The following GREB1 variants were observed in gnomAD, a reference collection of about 807,000 sequenced individuals.
GREB1 encodes protein GREB1.
A neutral mutation model predicts 200.7 loss-of-function variants in GREB1; 106 were observed. That is an observed-to-expected ratio of 0.53 (90% CI 0.45 to 0.62). The LOEUF (loss-of-function observed/expected upper bound fraction) is 0.62, where lower values mean the gene tolerates loss of function less well. Among genes scored for constraint, GREB1 ranks in the 20% least tolerant of loss-of-function variants. GREB1 has a pLI of 0.00. For missense variants in GREB1, 2,243 were observed against 2,556.8 expected (o/e 0.88, Z 2.65); for synonymous variants, 1,132 against 1,092.4 (o/e 1.04, Z -0.72).
At chr2:11,630,808 G>A (rs1684817563) in intron 26 of GREB1, among the ~76,000 whole-genome samples, 1 of 152,156 alleles carries the variant, frequency 6.6e-6, no homozygotes, top group Non-Finnish European at 1.5e-5. Context: ...GATGCTCCTT[G>A]TAGAGCTTTT....
chr2:11,483,685 GGGGTGTGT>G (rs1263397277), intron 1 of GREB1, among the ~76,000 whole-genome samples: 10 of 102,146 alleles, frequency 9.8e-5, no homozygotes, highest in African/African-American at 4.0e-4. Context: ...AGTACAAGAA[GGGGTGTGT>G]GTGTGTGTGT....
Position 11,616,655 on chromosome 2 carries a change from C to G in GREB1, c.3347C>G (p.Pro1116Arg). Residue 1116 changes from proline to arginine, a missense_variant, in exon 21 of 33, where the codon CCC becomes CGC. Physicochemically the swap from Pro to Arg is moderately radical, Grantham distance 103 (BLOSUM62 -2). This residue lies in a region of GREB1 where 587 missense variants were observed against 553.1 expected (regional missense o/e 1.06). Coordinates refer to ENST00000381486, the MANE Select transcript of GREB1 (RefSeq NM_014668.4). Reference sequence around the variant, plus strand: ...GGCTCTACCTCGGAGAAGAGAAGCCCCATGAAAAGGGAGAGGTCCCGCTCC... The same window carrying G: ...GGCTCTACCTCGGAGAAGAGAAGCCGCATGAAAAGGGAGAGGTCCCGCTCC... ...TEGSTSEKRS[P>R]MKRERSRSHD... The G allele has an allele frequency of 6.8e-6, 11 of 1,611,850 alleles. No individual in the cohort carries two copies. The highest frequency in any genetic ancestry group is 1.1e-5 in the South Asian group (1 of 91,040).
At chr2:11,509,129 C>A (rs1163930942) in intron 1 of GREB1, among the ~76,000 whole-genome samples, 3 of 1,768 alleles carry the variant, frequency 1.7e-3, no homozygotes, top group African/African-American at 2.0e-3. Flanking sequence ...CCTGCCTTGG[C>A]CTCCAAAGTG....
Position 11,611,008 on chromosome 2 carries a change from A to C in GREB1, c.2987A>C (p.His996Pro). The change falls in exon 18 of 33, where the codon CAC becomes CCC. Residue 996 changes from histidine to proline, a missense_variant. His to Pro is a moderately conservative substitution (Grantham distance 77, BLOSUM62 -2). Transcript: ENST00000381486. The stretch of plus-strand genomic sequence containing the variant: ...AGCTCAGGCGTCACCGTGGGGAAGC[A>C]CTTCGTAAAGCAGCTCAGGGTAGGT... ...SPSSGVTVGK[H>P]FVKQLRMWQK... The C allele has an allele frequency of 6.3e-7, 1 of 1,595,050 alleles. No individual in the cohort carries two copies. The highest frequency in any genetic ancestry group is 8.5e-7 in the Non-Finnish European group (1 of 1,170,778).
In GREB1 at chr2:11,598,611, G is replaced by C; in HGVS notation, c.2153-69G>C. On this transcript the variant is annotated intron_variant, in intron 14 of 32. Coordinates refer to ENST00000381486, the MANE Select transcript of GREB1 (RefSeq NM_014668.4). ...CTGCTGTGTAGGAGTCGCTCCTCAG[G>C]TGTCTGTTGAGTGAATGAAACCCAG... The C allele has an allele frequency of 2.9e-6, 4 of 1,393,484 alleles. 1 individual carries two copies. In the South Asian group the frequency reaches 4.9e-5, roughly 17 times the overall value. 86.3% of individuals were successfully genotyped at this position (1,393,484 alleles called of 1,614,324 possible).
chr2:11,607,675 A>T (rs1326337798), intron 17 of GREB1, among the ~76,000 whole-genome samples: 1 of 141,208 alleles, frequency 7.1e-6, no homozygotes, highest in Non-Finnish European at 1.5e-5. Flanking sequence ...TTATGACAAG[A>T]TTCCTAAGAG....
intron 17 of GREB1, among the ~76,000 whole-genome samples, chr2:11,610,257 G>A (rs1682798591): frequency 6.6e-6 from 1 of 152,198 alleles, no homozygotes; most frequent in South Asian, 2.1e-4. Context: ...CGGGCCTCCG[G>A]TAGCTGCATT....
rs1336074673 is a variant in GREB1 at position 11,642,048 on chromosome 2, A to C, written c.*1594A>C. On this transcript the variant is annotated 3_prime_UTR_variant, in exon 33 of 33. Transcript: ENST00000381486. ...CCCACTTGCCTACCCTCAATGCCAC[A>C]CTGTTTTTGAAGTGGCCCATAACTT... 1 of 152,024 alleles carries C rather than the reference A, an allele frequency of 6.6e-6. No homozygotes were observed. The highest frequency in any genetic ancestry group is 1.5e-5 in the Non-Finnish European group (1 of 68,028). The allele number at this position is 152,024 out of a possible 1,614,324, so 9.4% of individuals were successfully genotyped here.
chr2:11,599,332 C>CCTGCCCTTCT (rs1681551359), intron 15 of GREB1, among the ~76,000 whole-genome samples: 1 of 135,222 alleles, frequency 7.4e-6, no homozygotes, highest in Non-Finnish European at 1.6e-5. Flanking sequence ...GCCTGCCCTT[C>CCTGCCCTTCT]TTTTTTTTTT....
Position 11,610,415 on chromosome 2 carries a change from TA to T in GREB1, c.2667-272del, listed in dbSNP as rs1682813043. Among the ~76,000 whole-genome samples the T allele has an allele frequency of 7.9e-5, 12 of 152,394 alleles. No individual in the cohort carries two copies. In the South Asian group the frequency reaches 2.5e-3, roughly 32 times the overall value. The stretch of plus-strand genomic sequence containing the variant: ...TCTGCTCATTCATTGGACAAATATT[TA>T]TTGAGCAGCTACTAAGTGCCAAATG... On this transcript the variant is annotated intron_variant, in intron 17 of 32. Transcript: ENST00000381486.
At position 11,633,960 on chromosome 2, in the gene GREB1, C is replaced by T. The variant is rs1170512172; in HGVS notation, c.4992-171C>T. On this transcript the variant is annotated intron_variant, in intron 28 of 32. Transcript: ENST00000381486. This position sits in a 1 kb window ranked among gnomAD's most constrained non-coding sequence, Gnocchi z 4.1. Reference sequence around the variant, plus strand: ...GTGTTCAGCACATAGCAGAAATGAGCGCCCGTGGGAAGCGCCCAGCAGGGT... The same window carrying T: ...GTGTTCAGCACATAGCAGAAATGAGTGCCCGTGGGAAGCGCCCAGCAGGGT... Among the ~76,000 whole-genome samples, 2 of 152,214 alleles carry T rather than the reference C, an allele frequency of 1.3e-5. No homozygotes were observed. Among genetic ancestry groups the T allele is most frequent in the Admixed American group, 1.3e-4 (2 of 15,282 alleles).
At chr2:11,622,929 G>A (rs1684126657) in intron 23 of GREB1, among the ~76,000 whole-genome samples, 1 of 152,210 alleles carries the variant, frequency 6.6e-6, no homozygotes, top group Admixed American at 6.5e-5. Flanking sequence ...AGCTCTGAAT[G>A]CACATTCTTG....
chr2:11,591,612 G>T (rs528838829), intron 10 of GREB1: 1 of 605,072 alleles, frequency 1.7e-6, no homozygotes, highest in Non-Finnish European at 3.0e-6. Flanking sequence ...CACCGTTCGC[G>T]TGGTAAACTG....
chr2:11,569,392 A>G (rs1340820063), intron 4 of GREB1, among the ~76,000 whole-genome samples: 6 of 152,192 alleles, frequency 3.9e-5, no homozygotes, highest in African/African-American at 1.2e-4. Flanking sequence ...CGACTCTGTC[A>G]GTAAATCTTA....
chr2:11,611,888 A>G (rs1682961047), intron 18 of GREB1, among the ~76,000 whole-genome samples: 1 of 152,220 alleles, frequency 6.6e-6, no homozygotes, highest in Non-Finnish European at 1.5e-5. Flanking sequence ...AGGAGAGAGC[A>G]CAGGCAAGAC....
At chr2:11,483,689 TGTGTG>T (rs1672575333) in intron 1 of GREB1, among the ~76,000 whole-genome samples, 1 of 938 alleles carries the variant, frequency 1.1e-3, no homozygotes, top group East Asian at 0.062. Flanking sequence ...CAAGAAGGGG[TGTGTG>T]TGTGTGTGTG....
At position 11,618,305 on chromosome 2, in the gene GREB1, G is replaced by A. The variant is rs73175262; in HGVS notation, c.3430G>A (p.Glu1144Lys). The stretch of plus-strand genomic sequence containing the variant: ...CTCCTCAGGTTCAGCGCTCGGTGGC[G>A]AGTCCTCGGCTCAGCCCACAGCACT... ...SKASGSALGGESSAQPTALPQ... is the reference protein window; with the variant it reads ...SKASGSALGGKSSAQPTALPQ... Residue 1144 changes from glutamate (E) to lysine (K), a missense_variant, in exon 22 of 33, where the codon GAG becomes AAG. Glu to Lys is a moderately conservative substitution (Grantham distance 56). Around this residue, in one of 3 missense-constraint regions of GREB1, gnomAD observed 587 missense variants for 553.1 expected, o/e 1.06. Transcript: ENST00000381486. The A allele has an allele frequency of 1.8e-3, 2,803 of 1,569,352 alleles. 50 individuals carry two copies. The African/African-American group carries it at 0.034, about 19-fold the overall frequency.
In GREB1 at chr2:11,518,216, G is replaced by A. The variant is rs766384249; in HGVS notation, c.-159+35835G>A. On this transcript the variant is annotated intron_variant, in intron 1 of 2. Coordinates refer to the GREB1 transcript ENST00000628795. ...CTCCTTCCAGTTGTTTGACGTCAAG[G>A]TCAGGAGGAGCATGGAGATCCATTT... 2.1e-3 allele frequency among the ~76,000 whole-genome samples: 324 copies of A among 152,286 alleles called. 3 individuals are homozygous for A. The highest frequency in any genetic ancestry group is 3.2e-3 in the Non-Finnish European group (220 of 68,020).
intron 13 of GREB1, 39 bp downstream of exon 13, chr2:11,596,278 A>G (rs1483535226): frequency 1.3e-6 from 2 of 1,590,012 alleles, no homozygotes; most frequent in Non-Finnish European, 8.6e-7. Context: ...TGGAGAGGGT[A>G]CAAAGTAGTG....
Sources: gnomAD v4.1 joint callset for allele counts (sites outside exome capture counted in the v4.1 genomes callset) on GRCh38, gnomAD v4.1.1 for gene constraint, gnomAD v4.1.1 regional missense constraint, Gnocchi (gnomAD v3.1) non-coding constraint, MANE v1.5 for transcripts, NCBI Gene and HGNC (gene_info 2026-07-23, HGNC 2026-07-21) for gene names.